Variants in MAN2B2 observed in about 807,000 individuals in gnomAD.
The protein encoded by MAN2B2 is epididymis-specific alpha-mannosidase.
Under a neutral mutation model 117.1 loss-of-function variants are expected in MAN2B2, and 106 were observed. The ratio of observed to expected loss-of-function variants is 0.90; its 90% CI spans 0.77 to 1.06. The LOEUF (loss-of-function observed/expected upper bound fraction) is 1.06. MAN2B2 is among the 50% of genes least tolerant of loss of function. MAN2B2 has a pLI of 0.00. For synonymous variants in MAN2B2, 544 were observed against 595.1 expected (o/e 0.91, Z 1.25); for missense variants, 1,326 against 1,381.4 (o/e 0.96, Z 0.64).
At chr4:6,607,198 C>G (rs1409268214) in intron 11 of MAN2B2, among the ~76,000 whole-genome samples, 1 of 152,150 alleles carries the variant, frequency 6.6e-6, no homozygotes, top group African/African-American at 2.4e-5. Flanking sequence ...TATTTTTCCC[C>G]CTTTTTATTG....
At chr4:6,591,150 CA>C (rs1235069328) in intron 5 of MAN2B2, among the ~76,000 whole-genome samples, 47 of 146,494 alleles carry the variant, frequency 3.2e-4, no homozygotes, top group Admixed American at 2.2e-3. Context: ...TATCTCAAAA[CA>C]AAAAAAAAAG....
intron 17 of MAN2B2, chr4:6,618,834 T>C (rs917754152): frequency 1.3e-5 from 2 of 152,312 alleles, no homozygotes; most frequent in African/African-American, 4.8e-5. Flanking sequence ...CGCCATGATG[T>C]CTTACTGGGC....
At chr4:6,620,934 C>A in intron 18 of MAN2B2, 1 of 475,630 alleles carries the variant, frequency 2.1e-6, no homozygotes. Context: ...TGGGCAGAAA[C>A]GCCAAGAGGC....
intron 16 of MAN2B2, among the ~76,000 whole-genome samples, chr4:6,615,040 G>A (rs1216445137): frequency 2.6e-5 from 4 of 152,232 alleles, no homozygotes; most frequent in South Asian, 2.1e-4. Flanking sequence ...GAAAGGCAGG[G>A]TCAGACTGTG....
In MAN2B2 at chr4:6,614,315, C is replaced by T; in HGVS notation, c.2661C>T (p.Tyr887=). Reference sequence around the variant, plus strand: ...TCCTGAGCATCCCTGGCTGGCGCTACAGCTCCAACCACACGGAGCACTCTC... The same window carrying T: ...TCCTGAGCATCCCTGGCTGGCGCTATAGCTCCAACCACACGGAGCACTCTC... ...LQILSIPGWR[Y]SSNHTEHSQN... Residue 887 remains tyrosine, a synonymous_variant, in exon 16 of 19, where the codon TAC becomes TAT. Coordinates refer to ENST00000285599, the MANE Select transcript of MAN2B2 (RefSeq NM_015274.3). 6.2e-7 allele frequency: 1 copy of T among 1,614,156 alleles called. No homozygotes were observed. The highest frequency in any genetic ancestry group is 8.5e-7 in the Non-Finnish European group (1 of 1,180,002).
chr4:6,605,379 G>T, intron 11 of MAN2B2, 50 bp downstream of exon 11: 1 of 1,556,774 alleles, frequency 6.4e-7, no homozygotes. Context: ...CCTGGAGCCT[G>T]GGCATGTCAG....
chr4:6,598,226 C>A lies in MAN2B2; in HGVS notation c.1277C>A (p.Thr426Asn). ...EVQHHDAITG[T>N]ESPKVRDMYA... ...CAGCACCATGATGCCATCACTGGGA[C>A]TGAGTCCCCCAAGGTGAGAGACATG... The change falls in exon 9 of 19, where the codon ACT (threonine) becomes AAT (asparagine). Residue 426 changes from threonine (T) to asparagine (N), a missense_variant. Thr to Asn is a moderately conservative substitution (Grantham distance 65). Transcript: ENST00000285599. The A allele has an allele frequency of 4.3e-6, 7 of 1,613,730 alleles. No individual in the cohort carries two copies. Among genetic ancestry groups the A allele is most frequent in the Non-Finnish European group, 5.1e-6 (6 of 1,180,018 alleles).
intron 3 of MAN2B2, among the ~76,000 whole-genome samples, chr4:6,582,799 A>ACCC (rs1726487426): frequency 1.2e-5 from 1 of 85,006 alleles, no homozygotes; most frequent in Non-Finnish European, 2.5e-5. Flanking sequence ...TATTCCCACC[A>ACCC]CCCCCTCACC....
At chr4:6,601,424 T>G (rs1206173446) in intron 10 of MAN2B2, among the ~76,000 whole-genome samples, 1 of 149,232 alleles carries the variant, frequency 6.7e-6, no homozygotes, top group Non-Finnish European at 1.5e-5. Flanking sequence ...CGCTTTAACC[T>G]GGAAGGCAGA....
At chr4:6,592,105 C>G (rs1726883134) in intron 5 of MAN2B2, among the ~76,000 whole-genome samples, 1 of 152,226 alleles carries the variant, frequency 6.6e-6, no homozygotes, top group Non-Finnish European at 1.5e-5. Flanking sequence ...GCCCTGGGTT[C>G]AAATCCGCAC....
At chr4:6,604,432 C>T (rs1445250938) in intron 10 of MAN2B2, among the ~76,000 whole-genome samples, 1 of 52,592 alleles carries the variant, frequency 1.9e-5, no homozygotes, top group Non-Finnish European at 3.8e-5. Flanking sequence ...GGTGGGGGGC[C>T]TTGGTGGTGG....
rs1426262222 is a variant in MAN2B2 at position 6,579,118 on chromosome 4, CACCACT to C, written c.391+626_391+631del. Among the ~76,000 whole-genome samples, 126 of 63,860 alleles carry C rather than the reference CACCACT, an allele frequency of 2.0e-3. 3 individuals carry two copies. Among genetic ancestry groups the C allele is most frequent in the African/African-American group, 6.3e-3 (113 of 17,908 alleles). The allele number at this position is 63,860 out of a possible 152,430, so 41.9% of individuals were successfully genotyped here. ...TCACCAGCACCACCACCATCACCAT[CACCACT>C]ACCACCACCACCACCATCACCACCA... On this transcript the variant is annotated intron_variant, in intron 3 of 18. Transcript: ENST00000285599.
At chr4:6,595,181 G>A (rs989734383) in intron 7 of MAN2B2, among the ~76,000 whole-genome samples, 1 of 152,222 alleles carries the variant, frequency 6.6e-6, no homozygotes, top group Middle Eastern at 3.2e-3. Flanking sequence ...CCAGAACTGG[G>A]TTGGCCACCA....
rs1166315991 is a variant in MAN2B2, at chr4:6,594,564, G to T, written c.889G>T (p.Val297Leu). The change falls in exon 7 of 19, where the codon GTG (valine) becomes TTG (leucine). Residue 297 changes from valine (V) to leucine (L), a missense_variant. Val to Leu is a conservative substitution (Grantham distance 32). Coordinates refer to ENST00000285599, the MANE Select transcript of MAN2B2 (RefSeq NM_015274.3). The part of the protein sequence containing the change: ...GCDKQFFNAS[V>L]QFANMDPLLD... ...TGACAAGCAGTTCTTCAATGCCTCG[G>T]TGCAGTTTGCCAACATGGACCCGCT... 1 of 1,613,628 alleles carries T rather than the reference G, an allele frequency of 6.2e-7. No individual in the cohort carries two copies. Among genetic ancestry groups the T allele is most frequent in the Non-Finnish European group, 8.5e-7 (1 of 1,180,040 alleles).
chr4:6,616,778 G>A (rs1364518826), intron 16 of MAN2B2, among the ~76,000 whole-genome samples: 1 of 152,132 alleles, frequency 6.6e-6, no homozygotes, highest in African/African-American at 2.4e-5. Flanking sequence ...CTTACAGTCG[G>A]CCAGACCTGG....
intron 16 of MAN2B2, 35 bp downstream of exon 16, chr4:6,614,390 C>T: frequency 3.1e-6 from 5 of 1,605,404 alleles, no homozygotes; most frequent in Non-Finnish European, 4.3e-6. Flanking sequence ...AGACCTGCTC[C>T]TCCCTCCCTG....
chr4:6,577,809 C>T (rs1009535611), intron 2 of MAN2B2, among the ~76,000 whole-genome samples: 7 of 152,252 alleles, frequency 4.6e-5, no homozygotes, highest in African/African-American at 1.4e-4. Context: ...TGTGGCAGAG[C>T]TCCCTGGAGG....
Position 6,609,112 on chromosome 4 carries a change from G to T in MAN2B2, c.1820G>T (p.Ser607Ile). 3.7e-6 allele frequency: 6 copies of T among 1,613,468 alleles called. No individual in the cohort carries two copies. Among genetic ancestry groups the T allele is most frequent in the Non-Finnish European group, 5.1e-6 (6 of 1,179,598 alleles). Reference protein sequence around the residue: ...NLMHSIWERQSNRTVRVTQEF... With the variant: ...NLMHSIWERQINRTVRVTQEF... ...TCTCTCTCCTGCCTCTGCAGACAGA[G>T]TAACCGAACGGTGCGCGTGACCCAG... Residue 607 changes from serine to isoleucine, a missense_variant, in exon 12 of 19, where the codon AGT becomes ATT. Coordinates refer to ENST00000285599, the MANE Select transcript of MAN2B2 (RefSeq NM_015274.3).
rs117737470 is a variant in MAN2B2 at position 6,583,887 on chromosome 4, G to A, written c.392-3109G>A. Among the ~76,000 whole-genome samples the A allele has an allele frequency of 7.8e-3, 1,182 of 152,280 alleles. 56 individuals carry two copies. The East Asian group carries it at 0.13, about 17-fold the overall frequency. On this transcript the variant is annotated intron_variant, in intron 3 of 18. Transcript: ENST00000285599. ...TGCCCTCCTTACCCTTGGGAGGTGA[G>A]CACACGCACTGTGTTTAGGAAGTTG... is the stretch of plus-strand genomic sequence containing the variant.
Sources: gnomAD v4.1 joint callset for allele counts (sites outside exome capture counted in the v4.1 genomes callset) on GRCh38, gnomAD v4.1.1 for gene constraint, MANE v1.5 for transcripts, NCBI Gene and HGNC (gene_info 2026-07-23, HGNC 2026-07-21) for gene names.